Variants in GRM1 observed in about 807,000 individuals in gnomAD.
The protein encoded by GRM1 is glutamate metabotropic receptor 1.
GRM1 carries 33 observed loss-of-function variants against 90.9 expected under a neutral mutation model. The ratio of observed to expected loss-of-function variants is 0.36; its 90% confidence interval spans 0.28 to 0.49. GRM1 has a LOEUF of 0.49. Among genes scored for constraint, GRM1 ranks in the 20% least tolerant of loss-of-function variants. The pLI is 0.99. For missense variants in GRM1, 1,190 were observed against 1,534.3 expected (o/e 0.78, Z 3.75); for synonymous variants, 700 against 613.2 (o/e 1.14, Z -2.09).
At chr6:146,317,647 CATTATATGTTAGTTAAAA>C (rs1784023575) in intron 3 of GRM1, among the ~76,000 whole-genome samples, 1 of 152,156 alleles carries the variant, frequency 6.6e-6, no homozygotes, top group Non-Finnish European at 1.5e-5. Flanking sequence ...GCAACATGTT[CATTATATGTTAGTTAAAA>C]CTCCCTTATG....
chr6:146,097,537 G>A (rs1349253214), intron 1 of GRM1, among the ~76,000 whole-genome samples: 3 of 152,156 alleles, frequency 2.0e-5, no homozygotes, highest in Non-Finnish European at 2.9e-5. Flanking sequence ...TCTGTCTCAC[G>A]TTATAGCCAG....
chr6:146,184,051 T>G (rs528387221), intron 2 of GRM1, among the ~76,000 whole-genome samples: 8 of 152,242 alleles, frequency 5.3e-5, no homozygotes, highest in South Asian at 2.1e-4. Context: ...GGAACACTGC[T>G]GGATTTAGCC....
intron 2 of GRM1, among the ~76,000 whole-genome samples, chr6:146,208,635 A>T (rs533521442): frequency 6.6e-6 from 1 of 152,214 alleles, no homozygotes; most frequent in African/African-American, 2.4e-5. Flanking sequence ...TGAAGTTGTT[A>T]GGAATTTTAC....
At chr6:146,194,710 G>A (rs995304706) in intron 2 of GRM1, among the ~76,000 whole-genome samples, 1 of 152,108 alleles carries the variant, frequency 6.6e-6, no homozygotes, top group Non-Finnish European at 1.5e-5. Context: ...CCAAGAAGCC[G>A]CACATACCTA....
At chr6:146,402,191 C>G (rs113187455) in intron 7 of GRM1, among the ~76,000 whole-genome samples, 4 of 152,196 alleles carry the variant, frequency 2.6e-5, no homozygotes, top group African/African-American at 9.6e-5. Context: ...AAATATATTT[C>G]TAATTAAAAG....
chr6:146,344,184 C>T (rs963158990), intron 3 of GRM1, among the ~76,000 whole-genome samples: 1 of 152,192 alleles, frequency 6.6e-6, no homozygotes, highest in Non-Finnish European at 1.5e-5. Flanking sequence ...AAAATGCTGA[C>T]TTCTACCACC....
chr6:146,131,923 A>G (rs931510582), intron 1 of GRM1, among the ~76,000 whole-genome samples: 10 of 152,346 alleles, frequency 6.6e-5, no homozygotes, highest in African/African-American at 2.4e-4. Context: ...GAGGACCTCT[A>G]TGAGGAAGAG....
intron 1 of GRM1, among the ~76,000 whole-genome samples, chr6:146,036,778 G>A (rs1790906312): frequency 6.6e-6 from 1 of 151,764 alleles, no homozygotes; most frequent in Non-Finnish European, 1.5e-5. Flanking sequence ...TAGAAGCACA[G>A]GATTTTGATA....
At chr6:146,272,203 G>A (rs557948730) in intron 2 of GRM1, among the ~76,000 whole-genome samples, 1 of 152,306 alleles carries the variant, frequency 6.6e-6, no homozygotes, top group South Asian at 2.1e-4. Context: ...AATATATCAT[G>A]CAAGGGTGCT....
intron 5 of GRM1, among the ~76,000 whole-genome samples, chr6:146,374,805 A>C (rs898308919): frequency 6.6e-6 from 1 of 151,822 alleles, no homozygotes; most frequent in African/African-American, 2.4e-5. Context: ...TTAACTTTTC[A>C]AAAAACCAAC....
chr6:146,433,041 T>G (rs897769467), intron 7 of GRM1, among the ~76,000 whole-genome samples: 6 of 152,192 alleles, frequency 3.9e-5, no homozygotes, highest in Non-Finnish European at 7.3e-5. Flanking sequence ...CTTATTTGCA[T>G]CAAACTATCC....
intron 7 of GRM1, among the ~76,000 whole-genome samples, chr6:146,409,516 G>A (rs372066697): frequency 2.0e-5 from 3 of 152,132 alleles, no homozygotes; most frequent in African/African-American, 7.2e-5. Context: ...CCATTGCCTC[G>A]GGATGAAGAC....
intron 2 of GRM1, among the ~76,000 whole-genome samples, chr6:146,238,731 G>C (rs1411066492): frequency 6.6e-6 from 1 of 152,036 alleles, no homozygotes; most frequent in African/African-American, 2.4e-5. Context: ...GTGCTTGGGA[G>C]ATGCTCTGTT....
chr6:146,162,241 T>C (rs1452612251), intron 2 of GRM1, among the ~76,000 whole-genome samples: 1 of 152,156 alleles, frequency 6.6e-6, no homozygotes, highest in East Asian at 1.9e-4. Context: ...AGAAGGGCAT[T>C]GTGTAGGTGG....
intron 2 of GRM1, among the ~76,000 whole-genome samples, chr6:146,293,376 C>G (rs1783061802): frequency 6.6e-6 from 1 of 152,014 alleles, no homozygotes. Context: ...GCTGATGTCT[C>G]TACAGGACTG....
At chr6:146,131,722 A>G (rs1032398538) in intron 1 of GRM1, among the ~76,000 whole-genome samples, 1 of 152,206 alleles carries the variant, frequency 6.6e-6, no homozygotes, top group African/African-American at 2.4e-5. Flanking sequence ...ACTGTTCTGG[A>G]CAAAGGTGAT....
intron 5 of GRM1, among the ~76,000 whole-genome samples, chr6:146,382,391 A>G (rs1416990652): frequency 1.3e-5 from 2 of 151,884 alleles, no homozygotes; most frequent in Non-Finnish European, 2.9e-5. Context: ...CAATTAGAGG[A>G]CAAAAGCTAA....
intron 3 of GRM1, among the ~76,000 whole-genome samples, chr6:146,314,051 C>CTTTT (rs552986343): frequency 0.028 from 1,745 of 62,008 alleles, 479 homozygotes; most frequent in Non-Finnish European, 0.038. Flanking sequence ...TAGTTAATTC[C>CTTTT]TTTTTTTTTT....
intron 3 of GRM1, among the ~76,000 whole-genome samples, chr6:146,343,047 T>G (rs1213425659): frequency 6.6e-6 from 1 of 152,134 alleles, no homozygotes; most frequent in East Asian, 1.9e-4. Context: ...TTCCTTAGGC[T>G]TCCCTGGGCT....
Sources: gnomAD v4.1 joint callset for allele counts (sites outside exome capture counted in the v4.1 genomes callset) on GRCh38, gnomAD v4.1.1 for gene constraint, MANE v1.5 for transcripts, NCBI Gene and HGNC (gene_info 2026-07-23, HGNC 2026-07-21) for gene names.